GPHN: variants seen among roughly 807,000 people sequenced by gnomAD.
The protein encoded by GPHN is gephyrin.
A neutral mutation model predicts 95.5 loss-of-function variants in GPHN; 17 were observed. That is an observed-to-expected ratio of 0.18 (90% CI 0.12 to 0.27). The LOEUF (loss-of-function observed/expected upper bound fraction) is 0.27. GPHN is among the 10% of genes least tolerant of loss of function. The pLI, the probability that GPHN is intolerant of heterozygous loss-of-function variation, is 1.00. For synonymous variants in GPHN, 320 were observed against 322.5 expected, an observed-to-expected ratio of 0.99 and a Z score of 0.08; for missense variants, 660 against 978.1, an observed-to-expected ratio of 0.67 and a Z score of 4.34.
chr14:66,940,604 G>A (rs770437838), intron 8 of GPHN, among the ~76,000 whole-genome samples: 2 of 152,166 alleles, frequency 1.3e-5, no homozygotes, highest in African/African-American at 2.4e-5. Flanking sequence ...CCATTTATGC[G>A]ATGGATACTA....
chr14:66,633,486 T>C (rs970606974), intron 1 of GPHN, among the ~76,000 whole-genome samples: 2 of 152,206 alleles, frequency 1.3e-5, no homozygotes, highest in Admixed American at 6.5e-5. Flanking sequence ...TTTAGTTTTT[T>C]GAGATTTATC....
At chr14:67,619,248 T>C in the GPHN span, among the ~76,000 whole-genome samples, 1 of 152,256 alleles carries the variant, frequency 6.6e-6, no homozygotes, top group Non-Finnish European at 1.5e-5. Context: ...CGTTGCTATA[T>C]TTGCTTTTTT....
chr14:66,733,133 C>G (rs2071942307), intron 2 of GPHN, among the ~76,000 whole-genome samples: 1 of 152,012 alleles, frequency 6.6e-6, no homozygotes, highest in African/African-American at 2.4e-5. Context: ...TCATGCTATT[C>G]AGTAATAATC....
At chr14:67,472,681 G>C in the GPHN span, 2 of 152,844 alleles carry the variant, frequency 1.3e-5, no homozygotes, top group African/African-American at 4.8e-5. Flanking sequence ...CAGGTGTGGC[G>C]ACCGACGTGG....
chr14:66,962,158 A>G (rs1423101661), intron 8 of GPHN, among the ~76,000 whole-genome samples: 1 of 150,790 alleles, frequency 6.6e-6, no homozygotes, highest in Non-Finnish European at 1.5e-5. Flanking sequence ...ATTTTCTTTC[A>G]GGTAACTAAT....
At chr14:66,534,268 T>C (rs2059052424) in intron 1 of GPHN, among the ~76,000 whole-genome samples, 1 of 152,188 alleles carries the variant, frequency 6.6e-6, no homozygotes, top group Non-Finnish European at 1.5e-5. Flanking sequence ...AAGCCTCTCC[T>C]TCATGGTTTT....
the GPHN span, among the ~76,000 whole-genome samples, chr14:67,565,451 C>G: frequency 6.6e-6 from 1 of 152,042 alleles, no homozygotes; most frequent in African/African-American, 2.4e-5. Flanking sequence ...CCCTATGTTG[C>G]CCAGGCTAGT....
the GPHN span, chr14:67,584,201 C>CA: frequency 6.8e-7 from 1 of 1,460,106 alleles, no homozygotes; most frequent in Non-Finnish European, 9.4e-7. Flanking sequence ...TACCAATTTG[C>CA]AGCCCCTACC....
intron 1 of GPHN, among the ~76,000 whole-genome samples, chr14:66,651,738 G>C (rs1406780059): frequency 6.6e-6 from 1 of 152,004 alleles, no homozygotes; most frequent in African/African-American, 2.4e-5. Context: ...TCCTGTCTTT[G>C]TGAAGCAGGG....
the GPHN span, chr14:67,345,942 G>T: frequency 1.1e-6 from 1 of 936,698 alleles, no homozygotes; most frequent in Non-Finnish European, 1.7e-6. Context: ...CCCAAAAGGA[G>T]ATAATTCAGA....
intron 1 of GPHN, among the ~76,000 whole-genome samples, chr14:66,548,085 A>G (rs1334422738): frequency 6.7e-6 from 1 of 150,162 alleles, no homozygotes; most frequent in African/African-American, 2.5e-5. Context: ...TTTCTGTGTC[A>G]TGTTTTTGTA....
chr14:67,303,793 A>G, the GPHN span, among the ~76,000 whole-genome samples: 1 of 152,006 alleles, frequency 6.6e-6, no homozygotes, highest in Non-Finnish European at 1.5e-5. Context: ...TGGAAGATGG[A>G]ATCTCCATCT....
chr14:67,365,096 TTAA>T, the GPHN span: 1 of 1,373,326 alleles, frequency 7.3e-7, no homozygotes. Context: ...AAGCTGCAGC[TTAA>T]AAAAAAAAGC....
chr14:67,451,987 T>G, the GPHN span, among the ~76,000 whole-genome samples: 1 of 152,142 alleles, frequency 6.6e-6, no homozygotes, highest in South Asian at 2.1e-4. Context: ...GTCTTTCCCA[T>G]GCTGTTCTCA....
At chr14:66,824,722 G>A (rs2061330960) in intron 4 of GPHN, among the ~76,000 whole-genome samples, 156 bp downstream of exon 4, 2 of 152,074 alleles carry the variant, frequency 1.3e-5, no homozygotes, top group South Asian at 4.1e-4. Context: ...GATGAATTGT[G>A]AAAAATGTTT....
chr14:67,562,809 G>A, the GPHN span: 3 of 1,613,838 alleles, frequency 1.9e-6, no homozygotes, highest in Non-Finnish European at 2.5e-6. Context: ...GAAAGAGAGA[G>A]CCCAAAGGCC....
the GPHN span, chr14:67,203,203 C>T: frequency 1.2e-6 from 2 of 1,613,936 alleles, no homozygotes; most frequent in South Asian, 2.2e-5. Flanking sequence ...ATGCTACTGG[C>T]CCATCTGACA....
chr14:66,622,095 TC>T (rs1288656040), intron 1 of GPHN, among the ~76,000 whole-genome samples: 2 of 152,164 alleles, frequency 1.3e-5, no homozygotes, highest in African/African-American at 4.8e-5. Flanking sequence ...TGCCTGGACA[TC>T]CAGGTATTTA....
In GPHN at chr14:67,084,712, G is replaced by T. The variant is rs573854543; in HGVS notation, c.1145-4271G>T. Among the ~76,000 whole-genome samples the T allele has an allele frequency of 2.6e-5, 4 of 152,288 alleles. 1 individual carries two copies. The highest frequency in any genetic ancestry group is 9.6e-5 in the African/African-American group (4 of 41,550). The stretch of plus-strand genomic sequence containing the variant: ...TGAATGGATGAGCAAATCAGTCAGT[G>T]AACTTGTTGGCCTTGGTAAGAGACA... On this transcript the variant is annotated intron_variant, in intron 11 of 22. Transcript: ENST00000478722.
Sources: gnomAD v4.1 joint callset for allele counts (sites outside exome capture counted in the v4.1 genomes callset) on GRCh38, gnomAD v4.1.1 for gene constraint, MANE v1.5 for transcripts, NCBI Gene and HGNC (gene_info 2026-07-23, HGNC 2026-07-21) for gene names.